Variants in SPRED2 observed in about 807,000 individuals in gnomAD.
The protein encoded by SPRED2 is sprouty-related, EVH1 domain-containing protein 2.
SPRED2 carries 47 observed loss-of-function variants against 43.0 expected under a neutral mutation model. The observed-to-expected ratio is 1.09, with a 90% CI of 0.87 to 1.40. SPRED2 has a LOEUF of 1.40. Among genes scored for constraint, SPRED2 ranks in the 40% most tolerant of loss-of-function variants. The pLI is 0.00. For missense variants in SPRED2, 561 were observed against 586.4 expected (o/e 0.96, Z 0.45); for synonymous variants, 225 against 225.7 (o/e 1.00, Z 0.03).
At chr2:65,422,063 G>A (rs537054689) in intron 1 of SPRED2, among the ~76,000 whole-genome samples, 3 of 138,656 alleles carry the variant, frequency 2.2e-5, no homozygotes, top group East Asian at 2.1e-4. Flanking sequence ...GAATGTGTAC[G>A]TGCTTGTATG....
At chr2:65,323,831 G>A (rs1572837602) in intron 4 of SPRED2, among the ~76,000 whole-genome samples, 1 of 151,990 alleles carries the variant, frequency 6.6e-6, no homozygotes, top group African/African-American at 2.4e-5. Flanking sequence ...AGCCGAGATC[G>A]CGCCACTGCA....
chr2:65,385,051 C>T (rs1457446211), intron 1 of SPRED2, among the ~76,000 whole-genome samples: 1 of 151,324 alleles, frequency 6.6e-6, no homozygotes, highest in East Asian at 2.0e-4. Context: ...CGGCTCACTG[C>T]AACCTCTGCC....
downstream of SPRED2, among the ~76,000 whole-genome samples, chr2:65,310,458 TACACAC>T (rs55916427): frequency 0.16 from 21,893 of 137,800 alleles, 1,649 homozygotes; most frequent in South Asian, 0.19. Context: ...TCCTCCAAAC[TACACAC>T]ACACACACAC....
At chr2:65,330,647 T>G (rs1489035304) in intron 4 of SPRED2, among the ~76,000 whole-genome samples, 1 of 152,172 alleles carries the variant, frequency 6.6e-6, no homozygotes, top group Non-Finnish European at 1.5e-5. Context: ...AGGCTACGGT[T>G]TACATTAGGA....
intron 1 of SPRED2, among the ~76,000 whole-genome samples, chr2:65,390,034 C>G (rs991377423): frequency 6.6e-6 from 1 of 152,168 alleles, no homozygotes; most frequent in South Asian, 2.1e-4. Context: ...TGATACACAT[C>G]ACCCCTTTCC....
rs1673892912 is a variant in SPRED2, at chr2:65,334,118, T to C, written c.373+487A>G. 3 of 462,196 alleles carry C rather than the reference T, an allele frequency of 6.5e-6. No homozygotes were observed. The Admixed American group carries it at 7.3e-5, about 11-fold the overall frequency. 28.6% of individuals were successfully genotyped at this position (462,196 alleles called of 1,614,324 possible). A position where few individuals can be genotyped will look rare whatever the true frequency, so the allele number is the denominator to read the frequency against. On this transcript the variant is annotated intron_variant, in intron 3 of 5. Transcript: ENST00000356388. ...ACAATGCCTACTACTCACTTACCCA[T>C]AGACCAAGGCCTAAACCGAACCAGG...
rs1673105494 is a variant in SPRED2, at chr2:65,312,777, C to T, written c.*724G>A. The T allele has an allele frequency of 1.0e-6, 1 of 985,686 alleles. No homozygotes were observed. The highest frequency in any genetic ancestry group is 1.7e-5 in the African/African-American group (1 of 57,210). 61.1% of individuals were successfully genotyped at this position (985,686 alleles called of 1,614,324 possible). On this transcript the variant is annotated 3_prime_UTR_variant, in exon 6 of 6. Coordinates refer to ENST00000356388, the MANE Select transcript of SPRED2 (RefSeq NM_181784.3). The stretch of plus-strand genomic sequence containing the variant: ...CTCACAAGTTAATCTGAAGTTAAGG[C>T]TCAATTCTCAGTCTATTACGGGTGA...
chr2:65,315,423 T>A (rs1673205157), intron 5 of SPRED2, among the ~76,000 whole-genome samples: 1 of 152,190 alleles, frequency 6.6e-6, no homozygotes, highest in South Asian at 2.1e-4. Flanking sequence ...GACTTGATCA[T>A]GCGCTTATTA....
At position 65,349,287 on chromosome 2, in the gene SPRED2, C is replaced by T. The variant is rs983479719; in HGVS notation, c.27-4391G>A. Among the ~76,000 whole-genome samples the T allele has an allele frequency of 1.4e-4, 16 of 115,222 alleles. No individual in the cohort carries two copies. In the South Asian group the frequency reaches 3.7e-3, roughly 27 times the overall value. The allele number at this position is 115,222 out of a possible 152,430, so 75.6% of individuals were successfully genotyped here. Reference sequence around the variant, plus strand: ...ATGCAGTGAGCAGAGATCAGCCTGGCGACACAGCAAGACTCTGTCTCAAAA... The same window carrying T: ...ATGCAGTGAGCAGAGATCAGCCTGGTGACACAGCAAGACTCTGTCTCAAAA... On this transcript the variant is annotated intron_variant, in intron 1 of 5. Transcript: ENST00000356388.
chr2:65,415,491 T>A (rs1676252924), intron 1 of SPRED2, among the ~76,000 whole-genome samples: 1 of 152,108 alleles, frequency 6.6e-6, no homozygotes, highest in African/African-American at 2.4e-5. Flanking sequence ...TTATTCCTGT[T>A]CCCTGCAAAG....
At position 65,310,991 on chromosome 2, in the gene SPRED2, A is replaced by C. The variant is rs1383915178; in HGVS notation, c.*2510T>G. ...TATATATATTTTTTACACAGAGGTA[A>C]AAAGGCTTATTATAAAAAAATCAAT... On this transcript the variant is annotated 3_prime_UTR_variant, in exon 6 of 6. Coordinates refer to ENST00000356388, the MANE Select transcript of SPRED2 (RefSeq NM_181784.3). The C allele has an allele frequency of 1.0e-5, 10 of 983,788 alleles. No homozygotes were observed. 60.9% of individuals were successfully genotyped at this position (983,788 alleles called of 1,614,324 possible).
chr2:65,338,505 G>A (rs1180595657), intron 2 of SPRED2, among the ~76,000 whole-genome samples: 2 of 151,750 alleles, frequency 1.3e-5, no homozygotes, highest in Non-Finnish European at 2.9e-5. Flanking sequence ...TCGCTGTGTT[G>A]GCCGGACTGG....
chr2:65,323,437 G>T (rs999356647), intron 4 of SPRED2, among the ~76,000 whole-genome samples: 1 of 152,086 alleles, frequency 6.6e-6, no homozygotes, highest in African/African-American at 2.4e-5. Flanking sequence ...AACCCAGAAA[G>T]GAGAGAGTAA....
At chr2:65,366,824 T>A (rs897045971) in intron 1 of SPRED2, 3 of 1,228,924 alleles carry the variant, frequency 2.4e-6, no homozygotes, top group Non-Finnish European at 3.1e-6. Context: ...TGTTGTGTCA[T>A]TACTCACATT....
intron 2 of SPRED2, among the ~76,000 whole-genome samples, chr2:65,338,509 G>A (rs1434407032): frequency 7.2e-5 from 11 of 151,740 alleles, no homozygotes; most frequent in Admixed American, 5.2e-4. Context: ...TGTGTTGGCC[G>A]GACTGGTCTC....
chr2:65,397,714 G>C (rs1040031265), intron 1 of SPRED2, among the ~76,000 whole-genome samples: 1 of 151,140 alleles, frequency 6.6e-6, no homozygotes, highest in Non-Finnish European at 1.5e-5. Flanking sequence ...GAAGACAGGA[G>C]CCTCATCTTA....
chr2:65,329,782 G>GA (rs1673753039), intron 4 of SPRED2, among the ~76,000 whole-genome samples: 4 of 152,184 alleles, frequency 2.6e-5, no homozygotes, highest in Non-Finnish European at 5.9e-5. Flanking sequence ...ACGTGACAAA[G>GA]GAACAGATGT....
chr2:65,409,906 T>C (rs1676115500), intron 1 of SPRED2, among the ~76,000 whole-genome samples: 1 of 151,806 alleles, frequency 6.6e-6, no homozygotes, highest in Non-Finnish European at 1.5e-5. Context: ...GGCGCGTGCC[T>C]GTAGTCCCAG....
At chr2:65,363,187 C>A (rs1051509350) in intron 1 of SPRED2, among the ~76,000 whole-genome samples, 49 of 139,932 alleles carry the variant, frequency 3.5e-4, no homozygotes, top group Non-Finnish European at 6.3e-4. Context: ...TGCAGTGAGC[C>A]GAGATTGTGC....
Sources: allele counts gnomAD v4.1 joint callset (sites outside exome capture counted in the v4.1 genomes callset), GRCh38; gene constraint gnomAD v4.1.1; transcripts MANE v1.5; gene names NCBI Gene and HGNC (gene_info 2026-07-23, HGNC 2026-07-21).